The following GABRG3 variants were observed in gnomAD, a reference collection of about 807,000 sequenced individuals.
The protein encoded by GABRG3 is gamma-aminobutyric acid receptor subunit gamma-3.
In GABRG3, 25 loss-of-function variants were observed where a neutral mutation model predicts 48.8. That is an observed-to-expected ratio of 0.51 (90% CI 0.37 to 0.72). The LOEUF (loss-of-function observed/expected upper bound fraction) is 0.72. Among genes scored for constraint, GABRG3 ranks in the 30% least tolerant of loss-of-function variants. GABRG3 has a pLI of 0.00. For synonymous variants in GABRG3, 227 were observed against 217.6 expected (o/e 1.04, Z -0.38); for missense variants, 394 against 577.9 (o/e 0.68, Z 3.26).
chr15:27,332,152 A>G (rs1049356612), intron 5 of GABRG3, among the ~76,000 whole-genome samples: 2 of 152,194 alleles, frequency 1.3e-5, no homozygotes, highest in Non-Finnish European at 2.9e-5. Flanking sequence ...TCAGTTTGGT[A>G]CCTAAGTTGT....
chr15:27,300,165 C>T (rs968155098), intron 3 of GABRG3, among the ~76,000 whole-genome samples: 6 of 152,004 alleles, frequency 3.9e-5, no homozygotes, highest in East Asian at 3.9e-4. Context: ...TGGCTGAAAA[C>T]GAAAATATCA....
At chr15:27,519,009 G>A (rs1891094734) in intron 6 of GABRG3, among the ~76,000 whole-genome samples, 1 of 152,122 alleles carries the variant, frequency 6.6e-6, no homozygotes, top group Admixed American at 6.5e-5. Flanking sequence ...AGAAAAGGAG[G>A]AGTCAGAGGT....
intron 3 of GABRG3, among the ~76,000 whole-genome samples, chr15:27,214,368 G>A (rs1311051225): frequency 6.6e-6 from 1 of 152,186 alleles, no homozygotes; most frequent in Non-Finnish European, 1.5e-5. Flanking sequence ...GGGTATGCTG[G>A]GGACAGATCC....
At chr15:27,171,656 T>C (rs1422680547) in intron 3 of GABRG3, among the ~76,000 whole-genome samples, 3 of 151,990 alleles carry the variant, frequency 2.0e-5, no homozygotes, top group African/African-American at 7.2e-5. Context: ...CCTGACACCA[T>C]AGCTTTTGTC....
chr15:27,246,052 C>T (rs2140456469), intron 3 of GABRG3, among the ~76,000 whole-genome samples: 1 of 152,200 alleles, frequency 6.6e-6, no homozygotes, highest in Middle Eastern at 3.4e-3. Context: ...AAACAGCCAG[C>T]TGCCACGTGG....
chr15:27,112,825 A>G (rs1018773813), intron 3 of GABRG3, among the ~76,000 whole-genome samples: 2 of 152,170 alleles, frequency 1.3e-5, no homozygotes, highest in Admixed American at 6.5e-5. Flanking sequence ...CTAACCCCTT[A>G]TGAGCGATTA....
At chr15:27,487,081 A>G (rs528070055) in intron 6 of GABRG3, among the ~76,000 whole-genome samples, 1 of 152,322 alleles carries the variant, frequency 6.6e-6, no homozygotes, top group South Asian at 2.1e-4. Flanking sequence ...TTTTAAAAAT[A>G]GTGTCAGTAT....
At chr15:27,525,615 A>G (rs930923317) in intron 7 of GABRG3, among the ~76,000 whole-genome samples, 2 of 152,220 alleles carry the variant, frequency 1.3e-5, no homozygotes, top group African/African-American at 4.8e-5. Context: ...GACAAGGTCT[A>G]TGGAAATTAC....
intron 6 of GABRG3, among the ~76,000 whole-genome samples, chr15:27,512,759 A>C (rs1435858118): frequency 6.6e-6 from 1 of 152,204 alleles, no homozygotes; most frequent in Non-Finnish European, 1.5e-5. Context: ...GGCAAAGCCC[A>C]GGGGAGTAGA....
rs1182334654 is a variant in GABRG3 at position 26,975,301 on chromosome 15, C to G, written c.54-1701C>G. ...AATAGGTGCCCCACATTTAAAAATT[C>G]CTATCGATCGTGAATATCCAATGTG... is the stretch of plus-strand genomic sequence containing the variant. On this transcript the variant is annotated intron_variant, in intron 1 of 9. Transcript: ENST00000615808. The surrounding 1 kb of genome is among the most constrained non-coding windows in gnomAD (Gnocchi z 4.6). Among the ~76,000 whole-genome samples the G allele has an allele frequency of 1.3e-5, 2 of 152,138 alleles. No individual in the cohort carries two copies. Among genetic ancestry groups the G allele is most frequent in the African/African-American group, 2.4e-5 (1 of 41,436 alleles).
rs60834135 is a variant in GABRG3, at chr15:27,128,815, C to T, written c.270+101994C>T. ...TCCTATTGCAGGCTGCAGTTACCTG[C>T]CAGCAGAACGATACTGTGTGTCTCA... On this transcript the variant is annotated intron_variant, in intron 3 of 9. Transcript: ENST00000615808. Among the ~76,000 whole-genome samples the T allele has an allele frequency of 3.3e-5, 5 of 152,186 alleles. No homozygotes were observed. In the East Asian group the frequency reaches 7.7e-4, roughly 24 times the overall value.
intron 3 of GABRG3, among the ~76,000 whole-genome samples, chr15:27,241,908 A>G (rs139849150): frequency 1.3e-5 from 2 of 152,344 alleles, no homozygotes; most frequent in African/African-American, 2.4e-5. Flanking sequence ...AATTCTGTAT[A>G]TAAGTTAAGA....
chr15:27,073,884 C>A (rs1004992838), intron 3 of GABRG3, among the ~76,000 whole-genome samples: 3 of 152,180 alleles, frequency 2.0e-5, no homozygotes, highest in Non-Finnish European at 4.4e-5. Context: ...TTCCTCACAT[C>A]AACAGATGGC....
intron 2 of GABRG3, among the ~76,000 whole-genome samples, chr15:27,017,341 AC>A (rs1474395833): frequency 1.3e-5 from 2 of 152,088 alleles, no homozygotes; most frequent in Non-Finnish European, 2.9e-5. Flanking sequence ...GTTGCTTTCT[AC>A]TCAGGGGTTC....
intron 2 of GABRG3, among the ~76,000 whole-genome samples, chr15:27,004,846 G>A (rs1320531621): frequency 6.6e-6 from 1 of 152,072 alleles, no homozygotes. Flanking sequence ...AGATTCACTG[G>A]CCTACGACTG....
chr15:27,357,214 C>T (rs563061637), intron 5 of GABRG3, among the ~76,000 whole-genome samples: 3 of 152,286 alleles, frequency 2.0e-5, no homozygotes, highest in African/African-American at 7.2e-5. Context: ...CCTTCTTGCA[C>T]TTCCTCCCTG....
At chr15:27,142,636 G>A (rs752015008) in intron 3 of GABRG3, among the ~76,000 whole-genome samples, 48 of 152,292 alleles carry the variant, frequency 3.2e-4, no homozygotes, top group Non-Finnish European at 5.7e-4. Flanking sequence ...TGAGTTTACC[G>A]TGCATGACTT....
chr15:27,093,622 AG>A (rs1426574379), intron 3 of GABRG3, among the ~76,000 whole-genome samples: 2 of 152,208 alleles, frequency 1.3e-5, no homozygotes, highest in South Asian at 2.1e-4. Context: ...GTTAAAAGAA[AG>A]GCCCTTAAAA....
chr15:27,338,581 C>G (rs1259764754), intron 5 of GABRG3, among the ~76,000 whole-genome samples: 4 of 152,182 alleles, frequency 2.6e-5, no homozygotes, highest in Non-Finnish European at 5.9e-5. Context: ...GGGAAAGATT[C>G]TCCATGCATC....
Sources: gnomAD v4.1 joint callset for allele counts (sites outside exome capture counted in the v4.1 genomes callset) on GRCh38, gnomAD v4.1.1 for gene constraint, Gnocchi (gnomAD v3.1) non-coding constraint, MANE v1.5 for transcripts, NCBI Gene and HGNC (gene_info 2026-07-23, HGNC 2026-07-21) for gene names.